The following FMN1 variants were observed in gnomAD, a reference collection of about 807,000 sequenced individuals.
The protein encoded by FMN1 is formin 1, also known as formin-1.
Under a neutral mutation model 132.4 loss-of-function variants are expected in FMN1, and 110 were observed. The observed-to-expected ratio is 0.83, with a 90% CI of 0.71 to 0.97. FMN1 has a LOEUF of 0.97. Ranked by LOEUF, FMN1 falls within the 50% of genes least tolerant of loss-of-function variation. FMN1 has a pLI of 0.00. For synonymous variants in FMN1, 722 were observed against 651.7 expected (o/e 1.11, Z -1.64); for missense variants, 1,792 against 1,705.3 (o/e 1.05, Z -0.90).
chr15:32,825,532 G>A (rs2058343332), intron 17 of FMN1, among the ~76,000 whole-genome samples: 1 of 152,160 alleles, frequency 6.6e-6, no homozygotes, highest in African/African-American at 2.4e-5. Context: ...TTTTAAAGTA[G>A]GTTTCTTAAT....
At chr15:32,819,385 G>A (rs1334712656) in intron 17 of FMN1, among the ~76,000 whole-genome samples, 3 of 152,168 alleles carry the variant, frequency 2.0e-5, no homozygotes, top group African/African-American at 2.4e-5. Context: ...TATATGGGTC[G>A]TTCTCACCCA....
chr15:32,925,698 T>C (rs2060942716), intron 10 of FMN1, among the ~76,000 whole-genome samples: 2 of 152,340 alleles, frequency 1.3e-5, no homozygotes, highest in Middle Eastern at 3.4e-3. Context: ...ACTTATGTGA[T>C]GATACTGAGT....
chr15:32,936,096 A>G (rs2061263439), intron 9 of FMN1, among the ~76,000 whole-genome samples: 1 of 151,812 alleles, frequency 6.6e-6, no homozygotes, highest in Non-Finnish European at 1.5e-5. Context: ...TCTTCATAAT[A>G]TTTTCTATTT....
At chr15:33,076,309 G>T (rs1423786227) in intron 5 of FMN1, among the ~76,000 whole-genome samples, 1 of 152,276 alleles carries the variant, frequency 6.6e-6, no homozygotes, top group Admixed American at 6.5e-5. Context: ...TGAAGACCTG[G>T]AATTTATTAG....
At position 33,066,790 on chromosome 15, in the gene FMN1, C is replaced by T. The variant is rs760503752; in HGVS notation, c.2044-1716G>A. The T allele has an allele frequency of 1.9e-5, 30 of 1,613,822 alleles. No homozygotes were observed. The Admixed American group carries it at 2.7e-4, about 14-fold the overall frequency. On this transcript the variant is annotated intron_variant, in intron 5 of 20. Transcript: ENST00000616417. Reference sequence around the variant, plus strand: ...TGCAGCCCATCTCTTCTCTCCTGGGCGACTCAGGGTCTGCTCCCTTCGGTT... The same window carrying T: ...TGCAGCCCATCTCTTCTCTCCTGGGTGACTCAGGGTCTGCTCCCTTCGGTT...
At position 32,767,815 on chromosome 15, in the gene FMN1, CA is replaced by C. The variant is rs1038763685; in HGVS notation, c.*6494del. On this transcript the variant is annotated 3_prime_UTR_variant, in exon 21 of 21. Coordinates refer to ENST00000616417, the MANE Select transcript of FMN1 (RefSeq NM_001277313.2). ...CAAAACCTATTTGTGTCATTGCGAG[CA>C]AACAGAAGAATTGATACTAGACTTT... 1 of 152,144 alleles carries C rather than the reference CA, an allele frequency of 6.6e-6. No individual in the cohort carries two copies. Among genetic ancestry groups the C allele is most frequent in the African/African-American group, 2.4e-5 (1 of 41,430 alleles). 9.4% of individuals were successfully genotyped at this position (152,144 alleles called of 1,614,324 possible).
At chr15:32,832,031 A>G (rs1199034537) in intron 17 of FMN1, among the ~76,000 whole-genome samples, 2 of 152,158 alleles carry the variant, frequency 1.3e-5, no homozygotes, top group African/African-American at 4.8e-5. Context: ...TCAGCACCAG[A>G]CCAACAATAT....
chr15:32,900,999 C>G (rs1411831971), intron 13 of FMN1, among the ~76,000 whole-genome samples: 2 of 151,992 alleles, frequency 1.3e-5, no homozygotes, highest in Admixed American at 6.6e-5. Flanking sequence ...ACTAAAAATA[C>G]AAAAACTAGC....
rs555003689 is a variant in FMN1, at chr15:33,025,084, T to C, written c.2162-17009A>G. Among the ~76,000 whole-genome samples the C allele has an allele frequency of 5.3e-5, 8 of 152,290 alleles. No homozygotes were observed. The East Asian group carries it at 1.5e-3, about 29-fold the overall frequency. ...ATAAAACATGGGATTAATAACAATT[T>C]TACCCAAGTGGCTGGGGTAGGGCAT... On this transcript the variant is annotated intron_variant, in intron 6 of 20. Coordinates refer to ENST00000616417, the MANE Select transcript of FMN1 (RefSeq NM_001277313.2).
At chr15:33,015,146 G>C (rs2034966381) in intron 6 of FMN1, among the ~76,000 whole-genome samples, 1 of 152,178 alleles carries the variant, frequency 6.6e-6, no homozygotes, top group Non-Finnish European at 1.5e-5. Context: ...CAGAGTTTTT[G>C]TTTATTCCCT....
intron 17 of FMN1, among the ~76,000 whole-genome samples, chr15:32,823,328 A>C (rs1352286510): frequency 6.6e-6 from 1 of 151,342 alleles, no homozygotes. Context: ...TGCCCAGTTA[A>C]TTTCTTTTTG....
chr15:32,823,356 GGGTTTCAC>G lies in FMN1; in HGVS notation c.3929-19032_3929-19025del, dbSNP rs551565361. On this transcript the variant is annotated intron_variant, in intron 17 of 20. Coordinates refer to ENST00000616417, the MANE Select transcript of FMN1 (RefSeq NM_001277313.2). ...TCTTTTTGTATTTTTAGTAGAGACA[GGGTTTCAC>G]GGTGTTAGCCAGGAAGGTCTCGATC... 8.0e-4 allele frequency among the ~76,000 whole-genome samples: 121 copies of G among 151,958 alleles called. No individual in the cohort carries two copies. In the South Asian group the frequency reaches 0.024, roughly 30 times the overall value.
chr15:32,837,519 A>G (rs991608483), intron 17 of FMN1, among the ~76,000 whole-genome samples: 1 of 152,212 alleles, frequency 6.6e-6, no homozygotes. Context: ...CAAGGGGTTC[A>G]TGGACTGAGT....
At chr15:32,813,063 C>A (rs186044661) in intron 17 of FMN1, among the ~76,000 whole-genome samples, 5 of 152,038 alleles carry the variant, frequency 3.3e-5, no homozygotes, top group African/African-American at 1.2e-4. Context: ...CCCTAAACAA[C>A]ACAGTCTAAC....
In FMN1 at chr15:32,888,186, TTCAGTTTTC is replaced by T. The variant is rs745324196; in HGVS notation, c.3812_3820del (p.Arg1271_Leu1273del). 1 of 1,609,846 alleles carries T rather than the reference TTCAGTTTTC, an allele frequency of 6.2e-7. No individual in the cohort carries two copies. The highest frequency in any genetic ancestry group is 8.5e-7 in the Non-Finnish European group (1 of 1,178,580). Reference sequence around the variant, plus strand: ...GTTCCTATTACCTTCTAGTTGCCTCTTCAGTTTTCTCAAATCTTTTATGAGGTCTTCAAA... The same window carrying T: ...GTTCCTATTACCTTCTAGTTGCCTCTTCAAATCTTTTATGAGGTCTTCAAA... On this transcript the variant is annotated inframe_deletion, in exon 16 of 21. Coordinates refer to ENST00000616417, the MANE Select transcript of FMN1 (RefSeq NM_001277313.2).
intron 16 of FMN1, among the ~76,000 whole-genome samples, chr15:32,879,781 G>A (rs1178945031): frequency 5.1e-4 from 77 of 152,148 alleles, no homozygotes; most frequent in South Asian, 4.2e-4. Flanking sequence ...TCTCAGTTCA[G>A]TACTATTTTC....
chr15:33,012,576 C>G lies in FMN1; in HGVS notation c.2162-4501G>C, dbSNP rs575262595. 4.6e-5 allele frequency: 64 copies of G among 1,389,100 alleles called. No individual in the cohort carries two copies. In the South Asian group the frequency reaches 7.1e-4, roughly 15 times the overall value. The allele number at this position is 1,389,100 out of a possible 1,614,324, so 86.0% of individuals were successfully genotyped here. On this transcript the variant is annotated intron_variant, in intron 6 of 20. Coordinates refer to ENST00000616417, the MANE Select transcript of FMN1 (RefSeq NM_001277313.2). The stretch of plus-strand genomic sequence containing the variant: ...GGGGCTTTGCCTTTGTAACCTTTGA[C>G]AACCATGACTCTGTGGATAAGACTG...
chr15:33,163,601 T>TTTGTTTTG (rs1228515729), intron 3 of FMN1, among the ~76,000 whole-genome samples: 1 of 56,918 alleles, frequency 1.8e-5, no homozygotes, highest in African/African-American at 4.0e-5. Context: ...GCTGTTTTGT[T>TTTGTTTTG]TTGTTTTGTT....
At chr15:33,171,167 G>A (rs780513870) in intron 3 of FMN1, among the ~76,000 whole-genome samples, 23 of 152,150 alleles carry the variant, frequency 1.5e-4, no homozygotes, top group Non-Finnish European at 2.5e-4. Context: ...CTAAAAAATT[G>A]ATATCATGTA....
Sources: gnomAD v4.1 joint callset for allele counts (sites outside exome capture counted in the v4.1 genomes callset) on GRCh38, gnomAD v4.1.1 for gene constraint, MANE v1.5 for transcripts, NCBI Gene and HGNC (gene_info 2026-07-23, HGNC 2026-07-21) for gene names.